TMEM131L: variants seen among roughly 807,000 people sequenced by gnomAD.
TMEM131L encodes transmembrane protein 131-like.
In TMEM131L, 54 loss-of-function variants were observed where a neutral mutation model predicts 192.2. The ratio of observed to expected loss-of-function variants is 0.28; its 90% CI spans 0.23 to 0.35. The LOEUF (loss-of-function observed/expected upper bound fraction) is 0.35. Among genes scored for constraint, TMEM131L ranks in the 10% least tolerant of loss-of-function variants. TMEM131L has a pLI of 1.00. For synonymous variants in TMEM131L, 701 were observed against 704.9 expected, an observed-to-expected ratio of 0.99 and a Z score of 0.09; for missense variants, 1,888 against 1,972.9, an observed-to-expected ratio of 0.96 and a Z score of 0.82.
At chr4:153,570,303 A>G (rs1319880192) in intron 7 of TMEM131L, among the ~76,000 whole-genome samples, 1 of 152,172 alleles carries the variant, frequency 6.6e-6, no homozygotes, top group Non-Finnish European at 1.5e-5. Context: ...CGTCCCTAGT[A>G]CTTCGATTTA....
intron 34 of TMEM131L, 36 bp downstream of exon 34, chr4:153,635,607 G>GC (rs781306861): frequency 6.2e-7 from 1 of 1,611,420 alleles, no homozygotes; most frequent in Non-Finnish European, 8.5e-7. Context: ...GAACCCCTGG[G>GC]CAGCTCTGAA....
intron 3 of TMEM131L, among the ~76,000 whole-genome samples, chr4:153,546,110 C>T (rs954363619): frequency 6.6e-6 from 1 of 151,904 alleles, no homozygotes; most frequent in Non-Finnish European, 1.5e-5. Context: ...AGGCTGGTCT[C>T]GAACTCCTAG....
chr4:153,473,319 C>T (rs973748986), intron 2 of TMEM131L, among the ~76,000 whole-genome samples: 5 of 152,334 alleles, frequency 3.3e-5, no homozygotes, highest in African/African-American at 1.2e-4. Flanking sequence ...CGGATGGTTG[C>T]AGGCAGCAGT....
chr4:153,635,590 G>A lies in TMEM131L; in HGVS notation c.4557+19G>A. 2.5e-6 allele frequency: 4 copies of A among 1,613,682 alleles called. No individual in the cohort carries two copies. Among genetic ancestry groups the A allele is most frequent in the Non-Finnish European group, 3.4e-6 (4 of 1,179,750 alleles). On this transcript the variant is annotated intron_variant, in intron 34 of 34. Coordinates refer to ENST00000409959, the MANE Select transcript of TMEM131L (RefSeq NM_001131007.2). ...CTCTCCGGTCAGTGTTGCCCATCCTGTGCCGTGAACCCCTGGGCAGCTCTG... is the reference window on the plus strand; with the variant it reads ...CTCTCCGGTCAGTGTTGCCCATCCTATGCCGTGAACCCCTGGGCAGCTCTG...
intron 3 of TMEM131L, among the ~76,000 whole-genome samples, chr4:153,523,803 A>G (rs570216524): frequency 6.6e-6 from 1 of 152,282 alleles, no homozygotes; most frequent in East Asian, 1.9e-4. Context: ...AAAAGATCTC[A>G]CCTTTACTCC....
chr4:153,603,590 A>G, intron 24 of TMEM131L, 138 bp downstream of exon 24: 1 of 1,060,746 alleles, frequency 9.4e-7, no homozygotes, highest in Middle Eastern at 2.3e-4. Flanking sequence ...TTATGTGAAC[A>G]GCTGCCCCAT....
intron 3 of TMEM131L, among the ~76,000 whole-genome samples, chr4:153,497,088 C>T (rs1733228435): frequency 6.6e-6 from 1 of 152,126 alleles, no homozygotes; most frequent in African/African-American, 2.4e-5. Flanking sequence ...TCTTGAACTC[C>T]TAGGCTCAGG....
intron 31 of TMEM131L, among the ~76,000 whole-genome samples, chr4:153,631,955 C>T (rs1734239994): frequency 6.6e-6 from 1 of 152,204 alleles, no homozygotes; most frequent in Non-Finnish European, 1.5e-5. Flanking sequence ...GGACTCACTT[C>T]CTCACGTCAA....
chr4:153,581,636 T>G lies in TMEM131L; in HGVS notation c.892+76T>G. 5.8e-6 allele frequency: 6 copies of G among 1,038,574 alleles called. No individual in the cohort carries two copies. The South Asian group carries it at 1.3e-4, about 22-fold the overall frequency. The allele number at this position is 1,038,574 out of a possible 1,614,324, so 64.3% of individuals were successfully genotyped here. On this transcript the variant is annotated intron_variant, in intron 9 of 34. Coordinates refer to ENST00000409959, the MANE Select transcript of TMEM131L (RefSeq NM_001131007.2). ...TCATTCTATAGCATTTATGAACAGA[T>G]TGTATCATAGCAAACCAAGACAAAT...
chr4:153,504,036 G>A (rs948561000), intron 3 of TMEM131L, among the ~76,000 whole-genome samples: 8 of 151,882 alleles, frequency 5.3e-5, no homozygotes, highest in Non-Finnish European at 1.0e-4. Flanking sequence ...GTGCTATCTC[G>A]GCTCACTGCA....
Position 153,583,654 on chromosome 4 carries a change from G to A in TMEM131L, c.1042G>A (p.Ala348Thr). ...PTSTTNFTKI[A>T]SFTCKAATSC... is the part of the protein sequence containing the mutation. Reference sequence around the variant, plus strand: ...TTCTACAACAAACTTTACAAAAATTGCTTCTTTTACCTGCAAAGGTACAGA... The same window carrying A: ...TTCTACAACAAACTTTACAAAAATTACTTCTTTTACCTGCAAAGGTACAGA... Residue 348 changes from alanine to threonine, a missense_variant, in exon 11 of 35, where the codon GCT becomes ACT. Ala to Thr is a moderately conservative substitution (Grantham distance 58, BLOSUM62 0). Coordinates refer to ENST00000409959, the MANE Select transcript of TMEM131L (RefSeq NM_001131007.2). 6.2e-7 allele frequency: 1 copy of A among 1,600,148 alleles called. No homozygotes were observed. The highest frequency in any genetic ancestry group is 8.5e-7 in the Non-Finnish European group (1 of 1,172,132).
At chr4:153,488,162 TGA>T (rs149590325) in intron 3 of TMEM131L, among the ~76,000 whole-genome samples, 1 of 140,222 alleles carries the variant, frequency 7.1e-6, no homozygotes, top group African/African-American at 2.7e-5. Flanking sequence ...GAGTTTTGTG[TGA>T]GAGAGAGAGA....
chr4:153,478,467 C>T (rs964847544), intron 3 of TMEM131L, among the ~76,000 whole-genome samples: 2 of 152,176 alleles, frequency 1.3e-5, no homozygotes, highest in African/African-American at 2.4e-5. Flanking sequence ...GTCCTGTATA[C>T]CCCTCACCCA....
chr4:153,628,314 C>T (rs985892015), intron 31 of TMEM131L, among the ~76,000 whole-genome samples: 2 of 152,182 alleles, frequency 1.3e-5, no homozygotes, highest in Admixed American at 1.3e-4. Context: ...GAGGTGAATT[C>T]CAGTCCTCCC....
At chr4:153,502,469 A>G (rs914496125) in intron 3 of TMEM131L, among the ~76,000 whole-genome samples, 2 of 152,196 alleles carry the variant, frequency 1.3e-5, no homozygotes. Context: ...GGTATCATTT[A>G]TTCTGACTCT....
Position 153,603,450 on chromosome 4 carries a change from C to A in TMEM131L, c.2787C>A (p.Tyr929Ter). The change falls in exon 24 of 35, where the codon TAC becomes TAA. Residue 929 changes from tyrosine (Y) to a stop codon, truncating the protein, a stop_gained and splice_region_variant. Transcript: ENST00000409959. LOFTEE classifies it high-confidence loss of function. ...GPMDVISPHS[Y>*]KSNCKNFLDT... is the part of the protein sequence containing the mutation. ...TGGATGTAATCAGCCCCCATTCTTA[C>A]AAGTAAGAATTCTTATAGTGTGGTT... The A allele has an allele frequency of 6.2e-7, 1 of 1,613,060 alleles. No individual in the cohort carries two copies. The highest frequency in any genetic ancestry group is 8.5e-7 in the Non-Finnish European group (1 of 1,179,676).
At chr4:153,584,267 T>TA (rs1730557177) in intron 11 of TMEM131L, among the ~76,000 whole-genome samples, 1 of 152,352 alleles carries the variant, frequency 6.6e-6, no homozygotes, top group Admixed American at 6.5e-5. Context: ...CAGAAACTGC[T>TA]AACAGCTGCC....
chr4:153,496,656 C>T (rs1056464346), intron 3 of TMEM131L, among the ~76,000 whole-genome samples: 2 of 152,020 alleles, frequency 1.3e-5, no homozygotes, highest in Non-Finnish European at 2.9e-5. Flanking sequence ...CTCTCAGGCT[C>T]AGGTGATCTT....
At chr4:153,611,951 T>A (rs1216856575) in intron 25 of TMEM131L, among the ~76,000 whole-genome samples, 1 of 152,202 alleles carries the variant, frequency 6.6e-6, no homozygotes, top group African/African-American at 2.4e-5. Flanking sequence ...CATTTATCCG[T>A]CAATGGACAC....
Sources: allele counts gnomAD v4.1 joint callset (sites outside exome capture counted in the v4.1 genomes callset), GRCh38; gene constraint gnomAD v4.1.1; transcripts MANE v1.5; gene names NCBI Gene and HGNC (gene_info 2026-07-23, HGNC 2026-07-21).